NPL: variants seen among roughly 807,000 people sequenced by gnomAD.
The protein encoded by NPL is N-acetylneuraminate pyruvate lyase, also known as N-acetylneuraminate lyase.
In NPL, 32 loss-of-function variants were observed where a neutral mutation model predicts 41.1. That is an observed-to-expected ratio of 0.78 (90% CI 0.59 to 1.05). NPL has a LOEUF of 1.05. Among genes scored for constraint, NPL ranks in the 50% least tolerant of loss-of-function variants. The pLI is 0.00. For missense variants in NPL, 321 were observed against 378.4 expected, an observed-to-expected ratio of 0.85 and a Z score of 1.26; for synonymous variants, 128 against 134.9, an observed-to-expected ratio of 0.95 and a Z score of 0.35.
At chr1:182,796,798 A>G (rs1267176469) in intron 3 of NPL, among the ~76,000 whole-genome samples, 1 of 152,072 alleles carries the variant, frequency 6.6e-6, no homozygotes, top group Non-Finnish European at 1.5e-5. Context: ...GCACTTTGGG[A>G]GGCCGAGGTG....
At chr1:182,796,044 T>C (rs1469502435) in intron 3 of NPL, among the ~76,000 whole-genome samples, 1 of 152,042 alleles carries the variant, frequency 6.6e-6, no homozygotes, top group Non-Finnish European at 1.5e-5. Flanking sequence ...ATAACTAAAA[T>C]GACTTTTTCT....
intron 10 of NPL, among the ~76,000 whole-genome samples, chr1:182,820,307 A>G (rs1051422652): frequency 6.6e-6 from 1 of 152,218 alleles, no homozygotes; most frequent in Non-Finnish European, 1.5e-5. Context: ...TTTTGCATTA[A>G]CTGAAAGGTA....
At chr1:182,825,650 T>G in intron 11 of NPL, 131 bp from the exon 12 acceptor site, 1 of 697,394 alleles carries the variant, frequency 1.4e-6, no homozygotes, top group Admixed American at 2.1e-5. Context: ...GCTATTTTTC[T>G]CCACTCTGAC....
chr1:182,803,810 T>C, intron 4 of NPL, 39 bp downstream of exon 4: 1 of 1,389,932 alleles, frequency 7.2e-7, no homozygotes, highest in Non-Finnish European at 1.0e-6. Flanking sequence ...TGTCTCCAGC[T>C]CAGTCTTTAG....
intron 1 of NPL, among the ~76,000 whole-genome samples, chr1:182,790,117 T>C (rs981997688): frequency 1.3e-5 from 2 of 152,212 alleles, no homozygotes; most frequent in African/African-American, 4.8e-5. Flanking sequence ...AGCTTAAAGT[T>C]AAACCTGATA....
intron 10 of NPL, among the ~76,000 whole-genome samples, chr1:182,820,394 T>C (rs1667456676): frequency 6.6e-6 from 1 of 152,200 alleles, no homozygotes; most frequent in Non-Finnish European, 1.5e-5. Context: ...TTGAATAATA[T>C]AAATGGCTTG....
intron 5 of NPL, among the ~76,000 whole-genome samples, chr1:182,808,555 G>A (rs1667087219): frequency 6.6e-6 from 1 of 152,162 alleles, no homozygotes; most frequent in South Asian, 2.1e-4. Context: ...GGAAGGAATA[G>A]GCAAGATTGA....
chr1:182,792,774 T>G (rs1045350576), intron 2 of NPL, among the ~76,000 whole-genome samples: 1 of 152,254 alleles, frequency 6.6e-6, no homozygotes. Flanking sequence ...AAGTATCGTG[T>G]TGTCTTTCTA....
At chr1:182,827,619 TA>T (rs201851482) in intron 12 of NPL, among the ~76,000 whole-genome samples, 13 of 150,514 alleles carry the variant, frequency 8.6e-5, no homozygotes, top group South Asian at 4.1e-4. Context: ...TAAATATATA[TA>T]TTTTTTTCAG....
intron 10 of NPL, 47 bp from the exon 11 acceptor site, chr1:182,822,068 T>G: frequency 8.2e-7 from 1 of 1,213,528 alleles, no homozygotes; most frequent in Non-Finnish European, 1.2e-6. Context: ...ATCTGGACCT[T>G]TCCTGTTGAG....
chr1:182,794,772 A>G (rs1216571591), intron 3 of NPL, among the ~76,000 whole-genome samples: 1 of 152,232 alleles, frequency 6.6e-6, no homozygotes, highest in African/African-American at 2.4e-5. Flanking sequence ...CAGGGCCAGT[A>G]GCATTGGATG....
At chr1:182,815,158 G>C (rs893853742) in intron 7 of NPL, among the ~76,000 whole-genome samples, 1 of 152,178 alleles carries the variant, frequency 6.6e-6, no homozygotes, top group African/African-American at 2.4e-5. Context: ...GTTGCATAGG[G>C]TGTCAGTCAC....
At position 182,812,205 on chromosome 1, in the gene NPL, C is replaced by T. The variant is rs1205279276; in HGVS notation, c.280C>T (p.Gln94Ter). ...AGGAGCACTGAGCTTGAAGGAGTCA[C>T]AGGAACTGGTATGTATGCAGTTCCA... ...HVGALSLKES[Q>*]ELAQHAAEIG... The change falls in exon 6 of 13, where the codon CAG becomes TAG. Residue 94 changes from glutamine to a stop codon, truncating the protein, a stop_gained. Transcript: ENST00000367553. LOFTEE classifies it high-confidence loss of function. The T allele has an allele frequency of 1.9e-6, 3 of 1,613,590 alleles. No homozygotes were observed. In the African/African-American group the frequency reaches 4.0e-5, roughly 22 times the overall value.
At chr1:182,810,193 A>C (rs908689761) in intron 5 of NPL, among the ~76,000 whole-genome samples, 1 of 152,182 alleles carries the variant, frequency 6.6e-6, no homozygotes, top group Non-Finnish European at 1.5e-5. Context: ...GGAAGACTGC[A>C]TTCACAGCTG....
At chr1:182,816,519 CA>C (rs1667335660) in intron 7 of NPL, among the ~76,000 whole-genome samples, 194 bp from the exon 8 acceptor site, 1 of 152,098 alleles carries the variant, frequency 6.6e-6, no homozygotes, top group African/African-American at 2.4e-5. Context: ...GGGCTTTCTA[CA>C]GAAAGGAAAA....
intron 6 of NPL, among the ~76,000 whole-genome samples, chr1:182,813,855 G>A (rs779326488): frequency 1.4e-4 from 21 of 152,222 alleles, no homozygotes; most frequent in Non-Finnish European, 2.8e-4. Flanking sequence ...TCTAAACAGA[G>A]TAGTAAGCAA....
intron 11 of NPL, among the ~76,000 whole-genome samples, chr1:182,822,647 T>C (rs910616798): frequency 7.9e-5 from 12 of 152,136 alleles, no homozygotes; most frequent in Non-Finnish European, 1.5e-4. Context: ...ACCCTGGAAA[T>C]GTGCTGAGAA....
intron 3 of NPL, among the ~76,000 whole-genome samples, chr1:182,801,228 T>G (rs905910637): frequency 6.6e-6 from 1 of 152,176 alleles, no homozygotes; most frequent in Non-Finnish European, 1.5e-5. Flanking sequence ...AATTCTGCCA[T>G]TAGTGTCATT....
chr1:182,814,784 C>A lies in NPL; in HGVS notation c.290C>A (p.Ala97Asp), dbSNP rs1414429023. 1 of 1,613,646 alleles carries A rather than the reference C, an allele frequency of 6.2e-7. No individual in the cohort carries two copies. The highest frequency in any genetic ancestry group is 8.5e-7 in the Non-Finnish European group (1 of 1,179,732). The stretch of plus-strand genomic sequence containing the variant: ...ATGGTCTTCTTTCTTCCTTTAAAGG[C>A]CCAACATGCAGCAGAAATAGGAGCT... ...ALSLKESQEL[A>D]QHAAEIGADG... is the part of the protein sequence containing the mutation. Residue 97 changes from alanine (A) to aspartate (D), a missense_variant and splice_region_variant, in exon 7 of 13, where the codon GCC becomes GAC. Ala to Asp is a moderately radical substitution (Grantham distance 126). Coordinates refer to ENST00000367553, the MANE Select transcript of NPL (RefSeq NM_030769.3).
Sources: allele counts gnomAD v4.1 joint callset (sites outside exome capture counted in the v4.1 genomes callset), GRCh38; gene constraint gnomAD v4.1.1; transcripts MANE v1.5; gene names NCBI Gene and HGNC (gene_info 2026-07-23, HGNC 2026-07-21).